SUMF1: variants seen among roughly 807,000 people sequenced by gnomAD.
The protein encoded by SUMF1 is formylglycine-generating enzyme.
SUMF1 carries 48 observed loss-of-function variants against 47.6 expected under a neutral mutation model. The ratio of observed to expected loss-of-function variants is 1.01; its 90% CI spans 0.80 to 1.28. SUMF1 has a LOEUF of 1.28. SUMF1 is among the 50% of genes most tolerant of loss of function. The pLI is 0.00. For synonymous variants in SUMF1, 230 were observed against 192.1 expected, an observed-to-expected ratio of 1.20 and a Z score of -1.63; for missense variants, 571 against 485.4, an observed-to-expected ratio of 1.18 and a Z score of -1.66.
intron 8 of SUMF1, among the ~76,000 whole-genome samples, chr3:4,337,498 A>G (rs1416491343): frequency 6.6e-6 from 1 of 152,080 alleles, no homozygotes; most frequent in Non-Finnish European, 1.5e-5. Context: ...TCCCGGATTT[A>G]TAAGGGCAGC....
chr3:4,336,055 A>C (rs1437003526), intron 8 of SUMF1, among the ~76,000 whole-genome samples: 1 of 151,930 alleles, frequency 6.6e-6, no homozygotes, highest in Non-Finnish European at 1.5e-5. Context: ...CTACCCGGAG[A>C]ATCCCTCTGT....
intron 8 of SUMF1, among the ~76,000 whole-genome samples, chr3:4,354,237 GAAGT>G (rs1008830609): frequency 9.2e-5 from 14 of 152,194 alleles, no homozygotes; most frequent in Non-Finnish European, 1.6e-4. Flanking sequence ...GATTAAATAA[GAAGT>G]AAGAATGTAA....
intron 8 of SUMF1, among the ~76,000 whole-genome samples, chr3:4,119,548 T>C (rs931286978): frequency 3.3e-5 from 5 of 152,128 alleles, no homozygotes; most frequent in East Asian, 1.9e-4. Context: ...CTGGAAAACT[T>C]ACTAATTCTT....
intron 8 of SUMF1, among the ~76,000 whole-genome samples, chr3:4,091,017 G>A (rs1347357013): frequency 1.3e-5 from 2 of 151,452 alleles, no homozygotes; most frequent in Non-Finnish European, 2.9e-5. Flanking sequence ...AGAGGCGGAG[G>A]TTGCAGTGAG....
intron 9 of SUMF1, among the ~76,000 whole-genome samples, chr3:4,067,651 C>T (rs1222829217): frequency 2.0e-5 from 3 of 152,226 alleles, no homozygotes; most frequent in Non-Finnish European, 4.4e-5. Flanking sequence ...CTCATCCACT[C>T]TGGGTGCTCT....
intron 3 of SUMF1, among the ~76,000 whole-genome samples, chr3:4,420,403 T>TTC (rs1386274713): frequency 6.6e-6 from 1 of 150,966 alleles, no homozygotes; most frequent in Non-Finnish European, 1.5e-5. Context: ...AAGAATTTTT[T>TTC]TTTTTTTTTT....
intron 9 of SUMF1, among the ~76,000 whole-genome samples, chr3:4,047,948 G>A (rs1695034711): frequency 6.6e-6 from 1 of 152,074 alleles, no homozygotes; most frequent in Non-Finnish European, 1.5e-5. Context: ...CTATGGCATA[G>A]TTCCAATATT....
chr3:4,234,081 G>T (rs936950441), intron 8 of SUMF1, among the ~76,000 whole-genome samples: 2 of 152,026 alleles, frequency 1.3e-5, no homozygotes, highest in Non-Finnish European at 2.9e-5. Flanking sequence ...TTTTTCAAAA[G>T]ATGCACAATG....
In SUMF1 at chr3:4,425,021, C is replaced by A. The variant is rs184853338; in HGVS notation, c.520-4875G>T. Among the ~76,000 whole-genome samples, 8 of 152,324 alleles carry A rather than the reference C, an allele frequency of 5.3e-5. No individual in the cohort carries two copies. The East Asian group carries it at 1.5e-3, about 29-fold the overall frequency. On this transcript the variant is annotated intron_variant, in intron 3 of 8. Transcript: ENST00000272902. ...CCAGTTGCATCCTTCTTCTCCCATG[C>A]CAACTGCGGCAGACAAAAATGTCTC...
At chr3:4,306,300 A>G (rs564649418) in intron 8 of SUMF1, among the ~76,000 whole-genome samples, 12 of 152,236 alleles carry the variant, frequency 7.9e-5, no homozygotes, top group Non-Finnish European at 1.6e-4. Flanking sequence ...AATAAATTAT[A>G]TAAGTATCTC....
At chr3:4,160,100 T>G (rs370305481) in intron 8 of SUMF1, among the ~76,000 whole-genome samples, 79 of 152,294 alleles carry the variant, frequency 5.2e-4, no homozygotes, top group African/African-American at 1.8e-3. Flanking sequence ...GATATCTCTC[T>G]AGGTTTGGAA....
chr3:4,413,956 T>C (rs1226798918), intron 6 of SUMF1, among the ~76,000 whole-genome samples: 1 of 151,646 alleles, frequency 6.6e-6, no homozygotes, highest in African/African-American at 2.4e-5. Flanking sequence ...CTCTGCCTCC[T>C]GGGTTCAAGC....
Position 4,055,085 on chromosome 3 carries a change from T to G in SUMF1, c.1191+13484A>C, listed in dbSNP as rs145070615. Among the ~76,000 whole-genome samples, 648 of 152,282 alleles carry G rather than the reference T, an allele frequency of 4.3e-3. 6 individuals carry two copies. The highest frequency in any genetic ancestry group is 0.014 in the African/African-American group (588 of 41,558). ...CACTGCGTGTTGTTGAAACAGATAC[T>G]GTAGTGGAGTGCGTTTTCTTCATGC... is the stretch of plus-strand genomic sequence containing the variant. On this transcript the variant is annotated intron_variant and NMD_transcript_variant, in intron 9 of 12. Coordinates refer to the SUMF1 transcript ENST00000448413.
intron 8 of SUMF1, among the ~76,000 whole-genome samples, chr3:4,216,111 G>A (rs1403856282): frequency 6.6e-6 from 1 of 152,150 alleles, no homozygotes; most frequent in East Asian, 1.9e-4. Flanking sequence ...GAACAAAGCT[G>A]GAGGCATCAT....
chr3:4,196,477 A>G (rs1367694313), intron 8 of SUMF1, among the ~76,000 whole-genome samples: 6 of 152,104 alleles, frequency 3.9e-5, no homozygotes, highest in African/African-American at 1.2e-4. Flanking sequence ...GGACTGAAAC[A>G]TCCTCTCCGA....
At chr3:4,444,825 C>T (rs1248714825) in intron 3 of SUMF1, among the ~76,000 whole-genome samples, 1 of 152,192 alleles carries the variant, frequency 6.6e-6, no homozygotes, top group Non-Finnish European at 1.5e-5. Flanking sequence ...AATGAGCATA[C>T]CCAGGGCCTA....
intron 8 of SUMF1, among the ~76,000 whole-genome samples, chr3:4,145,444 C>T (rs1559508792): frequency 1.3e-5 from 2 of 152,146 alleles, no homozygotes; most frequent in South Asian, 4.1e-4. Context: ...TGTTAATACT[C>T]TGCTAAATCC....
At chr3:4,201,692 A>G (rs1169002828) in intron 8 of SUMF1, among the ~76,000 whole-genome samples, 1 of 151,920 alleles carries the variant, frequency 6.6e-6, no homozygotes. Flanking sequence ...TGGTAGTTCT[A>G]TTTTTAGTTT....
rs943126818 is a variant in SUMF1 at position 4,110,734 on chromosome 3, A to G, written c.1015-41989T>C. ...TGGAAACCATCATTCTCAGCAATCTATCGCAAGGACAAAAAACCAAACACC... is the reference window on the plus strand; with the variant it reads ...TGGAAACCATCATTCTCAGCAATCTGTCGCAAGGACAAAAAACCAAACACC... On this transcript the variant is annotated intron_variant and NMD_transcript_variant, in intron 8 of 12. Coordinates refer to the SUMF1 transcript ENST00000448413. 3.3e-5 allele frequency among the ~76,000 whole-genome samples: 5 copies of G among 151,464 alleles called. No individual in the cohort carries two copies. In the East Asian group the frequency reaches 9.8e-4, roughly 30 times the overall value.
Sources: gnomAD v4.1 joint callset for allele counts (sites outside exome capture counted in the v4.1 genomes callset) on GRCh38, gnomAD v4.1.1 for gene constraint, MANE v1.5 for transcripts, NCBI Gene and HGNC (gene_info 2026-07-23, HGNC 2026-07-21) for gene names.